PPARGC1A: variants seen among roughly 807,000 people sequenced by gnomAD.
The protein encoded by PPARGC1A is PPARG coactivator 1 alpha, also known as peroxisome proliferator-activated receptor gamma coactivator 1-alpha.
In PPARGC1A, 25 loss-of-function variants were observed where a neutral mutation model predicts 88.7. The ratio of observed to expected loss-of-function variants is 0.28; its 90% confidence interval spans 0.21 to 0.39. The LOEUF (loss-of-function observed/expected upper bound fraction) is 0.39, where lower values mean the gene tolerates loss of function less well. Ranked by LOEUF, PPARGC1A falls within the 10% of genes least tolerant of loss-of-function variation. The pLI is 1.00. For synonymous variants in PPARGC1A, 363 were observed against 355.6 expected (o/e 1.02, Z -0.24); for missense variants, 880 against 968.7 (o/e 0.91, Z 1.22).
chr4:24,220,962 C>G, the PPARGC1A span, among the ~76,000 whole-genome samples: 1 of 152,110 alleles, frequency 6.6e-6, no homozygotes, highest in African/African-American at 2.4e-5. Flanking sequence ...TCCTACTCAC[C>G]CACTCATCCC....
At chr4:23,815,379 T>C (rs560224814) in intron 7 of PPARGC1A, among the ~76,000 whole-genome samples, 1 of 152,144 alleles carries the variant, frequency 6.6e-6, no homozygotes, top group Admixed American at 6.5e-5. Flanking sequence ...AACAGAAACC[T>C]AAGTGAACAG....
the PPARGC1A span, chr4:24,258,147 G>T: frequency 8.4e-5 from 70 of 829,656 alleles, no homozygotes; most frequent in Non-Finnish European, 9.9e-5. Context: ...GCAGACATTT[G>T]GTATTTGCAC....
At chr4:24,341,436 G>C in the PPARGC1A span, among the ~76,000 whole-genome samples, 1 of 152,118 alleles carries the variant, frequency 6.6e-6, no homozygotes, top group East Asian at 1.9e-4. Flanking sequence ...GATGTGATGG[G>C]TACAACAATA....
chr4:24,435,128 C>T, the PPARGC1A span, among the ~76,000 whole-genome samples: 1 of 152,132 alleles, frequency 6.6e-6, no homozygotes, highest in Admixed American at 6.5e-5. Flanking sequence ...CTTCTCCTGC[C>T]CCTTTCTGGG....
chr4:24,344,412 CTTTTT>C, the PPARGC1A span, among the ~76,000 whole-genome samples: 1 of 149,476 alleles, frequency 6.7e-6, no homozygotes, highest in Admixed American at 6.7e-5. Flanking sequence ...CCAACATCTA[CTTTTT>C]TTTTTATTTT....
At chr4:23,906,518 C>T (rs1315842273), upstream of PPARGC1A, among the ~76,000 whole-genome samples, 1 of 143,472 alleles carries the variant, frequency 7.0e-6, no homozygotes, top group Non-Finnish European at 1.5e-5. Flanking sequence ...GAGACTGAGG[C>T]AGGAGAAGAA....
At chr4:23,915,890 C>T in the PPARGC1A span, among the ~76,000 whole-genome samples, 17 of 152,324 alleles carry the variant, frequency 1.1e-4, no homozygotes, top group Middle Eastern at 3.4e-3. Flanking sequence ...AGTTCAGCTC[C>T]TAAGGCCACC....
At chr4:23,936,758 C>T in the PPARGC1A span, among the ~76,000 whole-genome samples, 1 of 152,116 alleles carries the variant, frequency 6.6e-6, no homozygotes, top group African/African-American at 2.4e-5. Flanking sequence ...GTAATCCCAG[C>T]TACTCGGGAG....
At chr4:23,997,658 C>T in the PPARGC1A span, among the ~76,000 whole-genome samples, 1 of 151,912 alleles carries the variant, frequency 6.6e-6, no homozygotes, top group Non-Finnish European at 1.5e-5. Flanking sequence ...CACACCACCA[C>T]ACCAGGCTAA....
chr4:24,393,241 A>G, the PPARGC1A span, among the ~76,000 whole-genome samples: 1 of 152,214 alleles, frequency 6.6e-6, no homozygotes, highest in East Asian at 1.9e-4. Context: ...GTTGAAAACC[A>G]AGCTAGAGAT....
At chr4:23,951,537 C>T in the PPARGC1A span, among the ~76,000 whole-genome samples, 1 of 152,080 alleles carries the variant, frequency 6.6e-6, no homozygotes, top group Non-Finnish European at 1.5e-5. Context: ...AAATGTGTTC[C>T]AGTTTGTAAA....
At chr4:24,302,965 G>A in the PPARGC1A span, among the ~76,000 whole-genome samples, 5 of 152,144 alleles carry the variant, frequency 3.3e-5, no homozygotes, top group Non-Finnish European at 7.3e-5. Flanking sequence ...ACCAAAGAGA[G>A]ATCTCTCAGT....
chr4:23,843,651 T>C (rs1727462823), intron 2 of PPARGC1A, among the ~76,000 whole-genome samples: 1 of 152,076 alleles, frequency 6.6e-6, no homozygotes, highest in Non-Finnish European at 1.5e-5. Context: ...ACAATAAGCC[T>C]ACACAATGTA....
At chr4:24,050,732 G>A in the PPARGC1A span, among the ~76,000 whole-genome samples, 1 of 152,104 alleles carries the variant, frequency 6.6e-6, no homozygotes, top group Non-Finnish European at 1.5e-5. Context: ...TTGTTCTTCA[G>A]TACTGTGGAA....
chr4:24,456,948 C>T, the PPARGC1A span, among the ~76,000 whole-genome samples: 2 of 152,152 alleles, frequency 1.3e-5, no homozygotes, highest in Non-Finnish European at 1.5e-5. Context: ...CACGCAGATG[C>T]TGAAGACCAC....
chr4:24,231,142 C>T, the PPARGC1A span, among the ~76,000 whole-genome samples: 1 of 152,070 alleles, frequency 6.6e-6, no homozygotes, highest in Non-Finnish European at 1.5e-5. Flanking sequence ...AAATCAAAGT[C>T]CATTGCCCAA....
the PPARGC1A span, among the ~76,000 whole-genome samples, chr4:24,190,837 C>T: frequency 5.3e-5 from 8 of 152,176 alleles, no homozygotes; most frequent in Non-Finnish European, 1.5e-5. Flanking sequence ...CAGCCCATTT[C>T]CCACCGCTGG....
chr4:23,808,271 C>T (rs1481205833), intron 10 of PPARGC1A, among the ~76,000 whole-genome samples: 2 of 150,134 alleles, frequency 1.3e-5, no homozygotes, highest in Non-Finnish European at 2.9e-5. Context: ...AAAAAAAACC[C>T]TGAGTAATTG....
the PPARGC1A span, among the ~76,000 whole-genome samples, chr4:24,043,433 C>T: frequency 6.6e-6 from 1 of 152,106 alleles, no homozygotes; most frequent in Non-Finnish European, 1.5e-5. Flanking sequence ...TTTACTGTAA[C>T]TTCATTTTTT....
Sources: allele counts gnomAD v4.1 joint callset (sites outside exome capture counted in the v4.1 genomes callset), GRCh38; gene constraint gnomAD v4.1.1; transcripts MANE v1.5; gene names NCBI Gene and HGNC (gene_info 2026-07-23, HGNC 2026-07-21).